FBXL7: variants seen among roughly 807,000 people sequenced by gnomAD.
FBXL7 encodes the protein F-box/LRR-repeat protein 7.
A neutral mutation model predicts 38.3 loss-of-function variants in FBXL7; 12 were observed. That is an observed-to-expected ratio of 0.31 (90% CI 0.20 to 0.51). The LOEUF (loss-of-function observed/expected upper bound fraction) is 0.51. Ranked by LOEUF, FBXL7 falls within the 20% of genes least tolerant of loss-of-function variation. The pLI is 0.98. For synonymous variants in FBXL7, 297 were observed against 300.9 expected, an observed-to-expected ratio of 0.99 and a Z score of 0.13; for missense variants, 567 against 676.4, an observed-to-expected ratio of 0.84 and a Z score of 1.79.
At chr5:15,574,414 AAATCCTAGCAG>A (rs1193263121) in intron 1 of FBXL7, among the ~76,000 whole-genome samples, 1 of 152,234 alleles carries the variant, frequency 6.6e-6, no homozygotes, top group Admixed American at 6.5e-5. Flanking sequence ...AAATAAATGC[AAATCCTAGCAG>A]ACTTTGGATA....
chr5:15,666,338 A>G (rs1028084006), intron 2 of FBXL7, among the ~76,000 whole-genome samples: 1 of 152,212 alleles, frequency 6.6e-6, no homozygotes, highest in Non-Finnish European at 1.5e-5. Flanking sequence ...CAGTGGTAGT[A>G]AATACAGTCA....
At chr5:15,639,228 G>T (rs1029029742) in intron 2 of FBXL7, among the ~76,000 whole-genome samples, 6 of 152,192 alleles carry the variant, frequency 3.9e-5, no homozygotes, top group Non-Finnish European at 7.3e-5. Flanking sequence ...TTTAGACTCA[G>T]ACAGCCCTGG....
intron 1 of FBXL7, among the ~76,000 whole-genome samples, chr5:15,596,170 T>C (rs751893867): frequency 6.6e-6 from 1 of 152,224 alleles, no homozygotes; most frequent in Non-Finnish European, 1.5e-5. Context: ...TTAAACCAGT[T>C]AAATCAGAAT....
At chr5:15,564,694 C>T (rs1332259416) in intron 1 of FBXL7, among the ~76,000 whole-genome samples, 1 of 151,952 alleles carries the variant, frequency 6.6e-6, no homozygotes, top group African/African-American at 2.4e-5. Flanking sequence ...TGAATCTGGT[C>T]CAGTATCCCG....
At chr5:15,652,360 G>A (rs760208687) in intron 2 of FBXL7, among the ~76,000 whole-genome samples, 5 of 152,018 alleles carry the variant, frequency 3.3e-5, no homozygotes, top group African/African-American at 7.2e-5. Context: ...TCTGCCTCCC[G>A]GGTTCACGCC....
chr5:15,922,239 T>C (rs1741762652), intron 2 of FBXL7, among the ~76,000 whole-genome samples: 1 of 152,102 alleles, frequency 6.6e-6, no homozygotes, highest in South Asian at 2.1e-4. Context: ...TAGATGGATC[T>C]AGAGGTCTTG....
At chr5:15,657,419 A>G (rs1001561421) in intron 2 of FBXL7, among the ~76,000 whole-genome samples, 2 of 152,246 alleles carry the variant, frequency 1.3e-5, no homozygotes, top group South Asian at 2.1e-4. Flanking sequence ...AAATAATTCT[A>G]TAGAACAAAT....
chr5:15,648,483 A>C (rs931866511), intron 2 of FBXL7, among the ~76,000 whole-genome samples: 2 of 152,232 alleles, frequency 1.3e-5, no homozygotes, highest in Non-Finnish European at 2.9e-5. Flanking sequence ...CTATTTCTAC[A>C]TTTTAAAAAA....
chr5:15,536,740 T>G (rs1056555887), intron 1 of FBXL7, among the ~76,000 whole-genome samples: 1 of 152,162 alleles, frequency 6.6e-6, no homozygotes, highest in African/African-American at 2.4e-5. Context: ...TCTTGGACTT[T>G]TGGGTTAATG....
At chr5:15,546,953 T>G (rs188547022) in intron 1 of FBXL7, among the ~76,000 whole-genome samples, 240 of 152,268 alleles carry the variant, frequency 1.6e-3, no homozygotes, top group African/African-American at 5.6e-3. Flanking sequence ...AAGAAGAAGC[T>G]TTTTGAGCAC....
At chr5:15,775,810 AT>A in intron 2 of FBXL7, among the ~76,000 whole-genome samples, 1 of 152,276 alleles carries the variant, frequency 6.6e-6, no homozygotes, top group Non-Finnish European at 1.5e-5. Flanking sequence ...AGGCAACGTC[AT>A]TGCAGTTGTC....
At position 15,866,420 on chromosome 5, in the gene FBXL7, A is replaced by G. The variant is rs114966424; in HGVS notation, c.128-61470A>G. 6.7e-3 allele frequency among the ~76,000 whole-genome samples: 1,025 copies of G among 152,362 alleles called. 8 individuals carry two copies. Among genetic ancestry groups the G allele is most frequent in the African/African-American group, 0.023 (942 of 41,580 alleles). ...ATTCACAGGTTGTGAATACAGTAATATAACACATATGTGCAGATAGCTAGC... is the reference window on the plus strand; with the variant it reads ...ATTCACAGGTTGTGAATACAGTAATGTAACACATATGTGCAGATAGCTAGC... On this transcript the variant is annotated intron_variant, in intron 2 of 3. Coordinates refer to ENST00000504595, the MANE Select transcript of FBXL7 (RefSeq NM_012304.5).
chr5:15,868,703 T>C (rs539806006), intron 2 of FBXL7, among the ~76,000 whole-genome samples: 64 of 152,168 alleles, frequency 4.2e-4, no homozygotes, highest in African/African-American at 1.4e-3. Flanking sequence ...CCTGGAAGGA[T>C]CTCCCCGCAG....
intron 2 of FBXL7, among the ~76,000 whole-genome samples, chr5:15,724,595 A>C (rs1744290634): frequency 6.6e-6 from 1 of 152,222 alleles, no homozygotes; most frequent in Admixed American, 6.5e-5. Context: ...ATGGAATCAT[A>C]CATGTGTGCT....
intron 2 of FBXL7, among the ~76,000 whole-genome samples, chr5:15,882,337 G>A (rs1428162565): frequency 2.0e-5 from 3 of 152,236 alleles, no homozygotes; most frequent in East Asian, 3.9e-4. Flanking sequence ...AAGTGGTGGC[G>A]CCAGGTCATC....
intron 2 of FBXL7, among the ~76,000 whole-genome samples, chr5:15,711,826 G>C (rs1392676555): frequency 6.6e-6 from 1 of 152,120 alleles, no homozygotes; most frequent in Non-Finnish European, 1.5e-5. Context: ...AAGGAGAGTT[G>C]AGAAACATAT....
At chr5:15,615,714 TATC>T (rs1212981077) in intron 1 of FBXL7, among the ~76,000 whole-genome samples, 1 of 152,246 alleles carries the variant, frequency 6.6e-6, no homozygotes, top group Non-Finnish European at 1.5e-5. Flanking sequence ...GAGATTATGT[TATC>T]ATATTTGACT....
intron 2 of FBXL7, among the ~76,000 whole-genome samples, chr5:15,823,732 CA>C (rs1225033189): frequency 6.6e-6 from 1 of 152,100 alleles, no homozygotes; most frequent in Non-Finnish European, 1.5e-5. Context: ...ATTGATGTCT[CA>C]CGTGAGACCA....
chr5:15,825,687 T>G (rs191818763), intron 2 of FBXL7, among the ~76,000 whole-genome samples: 24 of 152,334 alleles, frequency 1.6e-4, no homozygotes, highest in Admixed American at 1.4e-3. Flanking sequence ...TACATTAGGA[T>G]GGGTGGAAGG....
Sources: gnomAD v4.1 joint callset for allele counts (sites outside exome capture counted in the v4.1 genomes callset) on GRCh38, gnomAD v4.1.1 for gene constraint, MANE v1.5 for transcripts, NCBI Gene and HGNC (gene_info 2026-07-23, HGNC 2026-07-21) for gene names.